The following SMG7 variants were observed in gnomAD, a reference collection of about 807,000 sequenced individuals.
SMG7 encodes the protein nonsense-mediated mRNA decay factor SMG7.
In SMG7, 34 loss-of-function variants were observed where a neutral mutation model predicts 148.2. The ratio of observed to expected loss-of-function variants is 0.23; its 90% CI spans 0.17 to 0.31. SMG7 has a LOEUF of 0.31. SMG7 is among the 10% of genes least tolerant of loss of function. The probability of loss-of-function intolerance (pLI) is 1.00; values close to 1 mark genes in which losing one functional copy is unlikely to be tolerated. For missense variants in SMG7, 1,114 were observed against 1,408.4 expected, an observed-to-expected ratio of 0.79 and a Z score of 3.35; for synonymous variants, 492 against 515.1, an observed-to-expected ratio of 0.96 and a Z score of 0.61.
chr1:183,550,559 G>A (rs1277142363), intron 20 of SMG7, among the ~76,000 whole-genome samples, 192 bp from the exon 21 acceptor site: 1 of 152,196 alleles, frequency 6.6e-6, no homozygotes, highest in African/African-American at 2.4e-5. Flanking sequence ...CGAAGAATAT[G>A]CCTTAGATAT....
chr1:183,525,070 G>A (rs1001463079), intron 4 of SMG7, among the ~76,000 whole-genome samples: 8 of 152,064 alleles, frequency 5.3e-5, no homozygotes, highest in Non-Finnish European at 1.2e-4. Flanking sequence ...TTTGAATGAC[G>A]ATATTTGTAA....
chr1:183,517,754 G>A lies in SMG7; in HGVS notation c.246G>A (p.Pro82=), dbSNP rs372417959. 1.3e-5 allele frequency: 21 copies of A among 1,613,922 alleles called. No individual in the cohort carries two copies. Among genetic ancestry groups the A allele is most frequent in the South Asian group, 6.6e-5 (6 of 91,082 alleles). ...LQGQAKNRAN[P]NRSEVQANLS... The stretch of plus-strand genomic sequence containing the variant: ...GCCAGGCAAAGAATCGAGCAAATCC[G>A]AATCGGAGTGAAGTTCAGGCAAACC... The change falls in exon 4 of 23, where the codon CCG becomes CCA. Residue 82 remains proline (P), a synonymous_variant. Transcript: ENST00000688051.
intron 3 of SMG7, among the ~76,000 whole-genome samples, chr1:183,517,462 A>T (rs924094594): frequency 1.3e-5 from 2 of 152,246 alleles, no homozygotes; most frequent in Non-Finnish European, 2.9e-5. Context: ...CAATCTGATT[A>T]TTCGAACATT....
chr1:183,542,590 G>T, intron 14 of SMG7, 88 bp downstream of exon 14: 2 of 1,127,516 alleles, frequency 1.8e-6, no homozygotes, highest in Non-Finnish European at 2.5e-6. Flanking sequence ...CATGAGAATT[G>T]GCCGTCCTGG....
chr1:183,529,780 G>A (rs1666537170), intron 8 of SMG7, among the ~76,000 whole-genome samples: 1 of 152,024 alleles, frequency 6.6e-6, no homozygotes, highest in African/African-American at 2.4e-5. Context: ...AATTATCAAA[G>A]TGGAAAAAAA....
At chr1:183,506,951 TC>T in intron 1 of SMG7, among the ~76,000 whole-genome samples, 1 of 149,142 alleles carries the variant, frequency 6.7e-6, no homozygotes, top group African/African-American at 2.5e-5. Flanking sequence ...TGATCTTGGC[TC>T]GCTGCAACCT....
In SMG7 at chr1:183,517,805, T is replaced by C; in HGVS notation, c.297T>C (p.Ser99=). The C allele has an allele frequency of 6.2e-7, 1 of 1,614,164 alleles. No individual in the cohort carries two copies. The highest frequency in any genetic ancestry group is 8.5e-7 in the Non-Finnish European group (1 of 1,179,988). ...ANLSLFLEAA[S]GFYTQLLQEL... Reference sequence around the variant, plus strand: ...TTTCTCTGTTCCTAGAGGCAGCTAGTGGCTTCTATACTCAGGTGAGTTCTG... The same window carrying C: ...TTTCTCTGTTCCTAGAGGCAGCTAGCGGCTTCTATACTCAGGTGAGTTCTG... Residue 99 remains serine (S), a synonymous_variant, in exon 4 of 23, where the codon AGT becomes AGC. Transcript: ENST00000688051.
At chr1:183,501,590 A>G (rs1659724169) in intron 1 of SMG7, among the ~76,000 whole-genome samples, 1 of 152,240 alleles carries the variant, frequency 6.6e-6, no homozygotes, top group Non-Finnish European at 1.5e-5. Flanking sequence ...TACACCTGAC[A>G]TACCACTGGG....
chr1:183,524,106 CG>C (rs1558020190), intron 4 of SMG7, among the ~76,000 whole-genome samples: 1 of 151,372 alleles, frequency 6.6e-6, no homozygotes, highest in African/African-American at 2.4e-5. Context: ...TTTTTTAAGA[CG>C]GGGTCTCTCT....
chr1:183,493,460 G>A (rs1657567434), intron 1 of SMG7, among the ~76,000 whole-genome samples: 1 of 152,054 alleles, frequency 6.6e-6, no homozygotes, highest in Non-Finnish European at 1.5e-5. Context: ...TTCTATCTTG[G>A]TGAATGTGCC....
chr1:183,521,853 T>G (rs1664839126), intron 4 of SMG7, among the ~76,000 whole-genome samples: 1 of 112,246 alleles, frequency 8.9e-6, no homozygotes, highest in African/African-American at 3.7e-5. Context: ...AGTGAGACCT[T>G]GTCTCAAAAA....
intron 1 of SMG7, among the ~76,000 whole-genome samples, chr1:183,476,347 A>G (rs376868119): frequency 1.2e-4 from 18 of 152,276 alleles, no homozygotes; most frequent in Admixed American, 3.9e-4. Context: ...TTTAATCTCT[A>G]TAGCTACAGA....
In SMG7 at chr1:183,517,717, C is replaced by T; in HGVS notation, c.209C>T (p.Thr70Ile). The T allele has an allele frequency of 6.2e-7, 1 of 1,613,926 alleles. No homozygotes were observed. Residue 70 changes from threonine to isoleucine, a missense_variant, in exon 4 of 23, where the codon ACA (threonine) becomes ATA (isoleucine). This residue lies in a region of SMG7 where 216 missense variants were observed against 329.1 expected (regional missense o/e 0.66). Transcript: ENST00000688051. ...AATCACGCCTTTAAGAATCAGATCA[C>T]AACACTGCAAGGCCAGGCAAAGAAT... ...LWNHAFKNQI[T>I]TLQGQAKNRA...
chr1:183,551,630 T>C (rs1055514543), intron 22 of SMG7, among the ~76,000 whole-genome samples, 188 bp from the exon 23 acceptor site: 2 of 152,248 alleles, frequency 1.3e-5, no homozygotes, highest in African/African-American at 4.8e-5. Flanking sequence ...TGGTTTAAAA[T>C]AGTCTTAATG....
At chr1:183,513,376 T>G (rs1333192545) in intron 2 of SMG7, 1 of 148,880 alleles carries the variant, frequency 6.7e-6, no homozygotes, top group Non-Finnish European at 1.5e-5. Context: ...TTACTTTTTT[T>G]TTTTTTTTTT....
chr1:183,497,871 A>G (rs1483529648), intron 1 of SMG7, among the ~76,000 whole-genome samples: 1 of 152,150 alleles, frequency 6.6e-6, no homozygotes, highest in African/African-American at 2.4e-5. Context: ...CACCTGGCCA[A>G]AATTATTTTA....
intron 1 of SMG7, among the ~76,000 whole-genome samples, chr1:183,485,911 C>T (rs1221135803): frequency 6.6e-6 from 1 of 152,112 alleles, no homozygotes; most frequent in Non-Finnish European, 1.5e-5. Flanking sequence ...TTAATGTTTA[C>T]CCTTGGAAAT....
chr1:183,553,670 GT>G lies in SMG7; in HGVS notation c.*1746del. On this transcript the variant is annotated 3_prime_UTR_variant, in exon 23 of 23. Coordinates refer to ENST00000688051, the MANE Select transcript of SMG7 (RefSeq NM_001375584.1). ...TAGTTTGACATGGTGTTTGGGTTTT[GT>G]TTTTTTGAAAGGTCTGAAAAGGTGA... 6.6e-6 allele frequency: 1 copy of G among 152,536 alleles called. No individual in the cohort carries two copies. Among genetic ancestry groups the G allele is most frequent in the Non-Finnish European group, 1.4e-5 (1 of 70,438 alleles). The allele number at this position is 152,536 out of a possible 1,614,324, so 9.4% of individuals were successfully genotyped here.
At chr1:183,537,821 G>A (rs1277804270) in intron 11 of SMG7, among the ~76,000 whole-genome samples, 1 of 152,076 alleles carries the variant, frequency 6.6e-6, no homozygotes, top group African/African-American at 2.4e-5. Context: ...CGCACTTTCT[G>A]TTGCTTTAAA....
Sources: allele counts gnomAD v4.1 joint callset (sites outside exome capture counted in the v4.1 genomes callset), GRCh38; gene constraint gnomAD v4.1.1; regional missense constraint gnomAD v4.1.1; transcripts MANE v1.5; gene names NCBI Gene and HGNC (gene_info 2026-07-23, HGNC 2026-07-21).